CDKN2A: variants seen among roughly 807,000 people sequenced by gnomAD.
CDKN2A encodes the protein cyclin dependent kinase inhibitor 2A, also known as cyclin-dependent kinase inhibitor 2A.
A neutral mutation model predicts 11.1 loss-of-function variants in CDKN2A; 3 were observed. The ratio of observed to expected loss-of-function variants is 0.27; its 90% CI spans 0.12 to 0.70. CDKN2A has a LOEUF of 0.70. CDKN2A is among the 30% of genes least tolerant of loss of function. CDKN2A has a pLI of 0.77. For synonymous variants in CDKN2A, 122 were observed against 108.1 expected, an observed-to-expected ratio of 1.13 and a Z score of -0.80; for missense variants, 265 against 233.6, an observed-to-expected ratio of 1.13 and a Z score of -0.88.
rs181796905 is a variant in CDKN2A at position 21,974,105 on chromosome 9, G to A, written c.150+573C>T. Among the ~76,000 whole-genome samples, 155 of 152,286 alleles carry A rather than the reference G, an allele frequency of 1.0e-3. No individual in the cohort carries two copies. Among genetic ancestry groups the A allele is most frequent in the African/African-American group, 3.4e-3 (143 of 41,548 alleles). On this transcript the variant is annotated intron_variant, in intron 1 of 2. Coordinates refer to ENST00000304494, the MANE Select transcript of CDKN2A (RefSeq NM_000077.5). The surrounding 1 kb of genome is among the most constrained non-coding windows in gnomAD (Gnocchi z 5.2). ...GAGGTTTCACCTGTTGGCCAGGCTGGTCTCGAACTCCCGACCTCAGGTGAT... is the reference window on the plus strand; with the variant it reads ...GAGGTTTCACCTGTTGGCCAGGCTGATCTCGAACTCCCGACCTCAGGTGAT...
At chr9:21,984,053 T>C (rs1259701943) in intron 2 of CDKN2A, among the ~76,000 whole-genome samples, 1 of 152,004 alleles carries the variant, frequency 6.6e-6, no homozygotes, top group Non-Finnish European at 1.5e-5. Flanking sequence ...TAAATGGTGC[T>C]TTTTAATTTT....
upstream of CDKN2A, among the ~76,000 whole-genome samples, chr9:21,979,340 T>C (rs1820120536): frequency 6.6e-6 from 1 of 152,148 alleles, no homozygotes. Context: ...GTTGTGATAG[T>C]TCAAGGCCCT....
upstream of CDKN2A, among the ~76,000 whole-genome samples, chr9:21,978,552 T>C (rs1820094932): frequency 6.6e-6 from 1 of 152,254 alleles, no homozygotes; most frequent in African/African-American, 2.4e-5. Context: ...CTACATTTAC[T>C]AAATTTACTA....
upstream of CDKN2A, among the ~76,000 whole-genome samples, chr9:21,976,768 C>T (rs1049487526): frequency 6.6e-6 from 1 of 152,000 alleles, no homozygotes; most frequent in African/African-American, 2.4e-5. Flanking sequence ...GAACTTACTC[C>T]CTGAAAAGAT....
chr9:21,980,020 T>C (rs1373166550), intron 2 of CDKN2A, among the ~76,000 whole-genome samples: 4 of 152,186 alleles, frequency 2.6e-5, no homozygotes, highest in South Asian at 4.1e-4. Flanking sequence ...CATTGTAGGA[T>C]TGGCAATATG....
At chr9:21,970,066 T>C (rs1424808973) in intron 2 of CDKN2A, among the ~76,000 whole-genome samples, 1 of 152,088 alleles carries the variant, frequency 6.6e-6, no homozygotes, top group African/African-American at 2.4e-5. Context: ...TTCATATATC[T>C]ATTTTGTTTC....
chr9:21,975,054 G>C (rs911112288), upstream of CDKN2A: 3 of 1,345,076 alleles, frequency 2.2e-6, no homozygotes, highest in Middle Eastern at 2.8e-4. Context: ...TATTAACTCC[G>C]AGCACTTAGC....
intron 1 of CDKN2A, chr9:21,994,220 C>A (rs1346248530): frequency 1.9e-6 from 3 of 1,605,920 alleles, no homozygotes; most frequent in Non-Finnish European, 2.5e-6. Context: ...GCGGGCGCCC[C>A]TGGCGCTGCC....
At chr9:21,976,797 C>A (rs1054666590), upstream of CDKN2A, among the ~76,000 whole-genome samples, 1 of 152,186 alleles carries the variant, frequency 6.6e-6, no homozygotes, top group Non-Finnish European at 1.5e-5. Context: ...CCCTCCACCA[C>A]CCTCACTTAC....
chr9:21,984,782 C>T (rs1421865818), intron 2 of CDKN2A, among the ~76,000 whole-genome samples: 1 of 151,920 alleles, frequency 6.6e-6, no homozygotes, highest in Non-Finnish European at 1.5e-5. Flanking sequence ...GAATGGTTGT[C>T]CCCCTTTTGC....
intron 2 of CDKN2A, chr9:21,992,271 A>G (rs1463783038): frequency 1.1e-6 from 1 of 926,314 alleles, no homozygotes; most frequent in Non-Finnish European, 1.3e-6. Context: ...CCAAATCAAT[A>G]TAGCCATGGG....
intron 2 of CDKN2A, among the ~76,000 whole-genome samples, chr9:21,982,317 T>G (rs1426091391): frequency 6.6e-6 from 1 of 152,164 alleles, no homozygotes; most frequent in Non-Finnish European, 1.5e-5. Flanking sequence ...AAAAGTATAT[T>G]ACTTATTATA....
chr9:21,978,376 C>T (rs1035774149), upstream of CDKN2A, among the ~76,000 whole-genome samples: 8 of 152,162 alleles, frequency 5.3e-5, no homozygotes, highest in East Asian at 1.9e-4. Flanking sequence ...TCATACATAT[C>T]GACCTGAGGT....
At chr9:21,992,551 T>A in intron 2 of CDKN2A, 1 of 482,882 alleles carries the variant, frequency 2.1e-6, no homozygotes, top group Non-Finnish European at 2.7e-6. Context: ...TGCATATACA[T>A]TAACATACTA....
intron 2 of CDKN2A, chr9:21,969,510 G>C: frequency 5.2e-6 from 2 of 381,314 alleles, no homozygotes; most frequent in Non-Finnish European, 9.3e-6. Flanking sequence ...CTTGAAGAGG[G>C]GGTGTTGGGG....
upstream of CDKN2A, among the ~76,000 whole-genome samples, chr9:21,976,619 G>A (rs558828810): frequency 2.6e-5 from 4 of 152,104 alleles, no homozygotes; most frequent in East Asian, 7.7e-4. Context: ...GGAGGCTGAT[G>A]TAGGAGAATC....
Position 21,968,014 on chromosome 9 carries a change from TAAG to T in CDKN2A, c.*212_*214del, listed in dbSNP as rs1819493067. On this transcript the variant is annotated 3_prime_UTR_variant, in exon 3 of 3. Coordinates refer to ENST00000304494, the MANE Select transcript of CDKN2A (RefSeq NM_000077.5). This position sits in a 1 kb window ranked among gnomAD's most constrained non-coding sequence, Gnocchi z 4.7. ...GGTGTTTTTCTTTTTTACATTTTTA[TAAG>T]AATATATAAAAAATGATATAAATGG... is the stretch of plus-strand genomic sequence containing the variant. 7.0e-6 allele frequency: 4 copies of T among 567,480 alleles called. No homozygotes were observed. The highest frequency in any genetic ancestry group is 1.3e-5 in the Non-Finnish European group (4 of 319,092). 35.2% of individuals were successfully genotyped at this position (567,480 alleles called of 1,614,324 possible).
chr9:21,970,619 G>A (rs908708595), intron 2 of CDKN2A: 3 of 601,084 alleles, frequency 5.0e-6, no homozygotes, highest in East Asian at 5.5e-5. Context: ...CGCAGTCTAG[G>A]CCTTGAACTA....
At position 21,992,535 on chromosome 9, in the gene CDKN2A, AT is replaced by A. The variant is rs1225371570; in HGVS notation, c.-4+1346del. On this transcript the variant is annotated intron_variant, in intron 2 of 3. Coordinates refer to the CDKN2A transcript ENST00000494262. ...GAACCTATCATTTAAATATTTTTGC[AT>A]TTCATGCATATACATTAACATACTA... 1.0e-5 allele frequency: 6 copies of A among 585,398 alleles called. No homozygotes were observed. The East Asian group carries it at 4.3e-4, about 42-fold the overall frequency. The allele number at this position is 585,398 out of a possible 1,614,324, so 36.3% of individuals were successfully genotyped here. A position where few individuals can be genotyped will look rare whatever the true frequency, so the allele number is the denominator to read the frequency against.
Sources: allele counts gnomAD v4.1 joint callset (sites outside exome capture counted in the v4.1 genomes callset), GRCh38; gene constraint gnomAD v4.1.1; non-coding constraint Gnocchi (gnomAD v3.1); transcripts MANE v1.5; gene names NCBI Gene and HGNC (gene_info 2026-07-23, HGNC 2026-07-21).